The following DCLK2 variants were observed in gnomAD, a reference collection of about 807,000 sequenced individuals.
DCLK2 encodes doublecortin like kinase 2.
Under a neutral mutation model 78.4 loss-of-function variants are expected in DCLK2, and 31 were observed. That is an observed-to-expected ratio of 0.40 (90% confidence interval 0.30 to 0.53). The LOEUF (loss-of-function observed/expected upper bound fraction) is 0.53, where lower values mean the gene tolerates loss of function less well. Ranked by LOEUF, DCLK2 falls within the 20% of genes least tolerant of loss-of-function variation. DCLK2 has a pLI of 0.61. For synonymous variants in DCLK2, 407 were observed against 374.9 expected, an observed-to-expected ratio of 1.09 and a Z score of -0.99; for missense variants, 872 against 973.7, an observed-to-expected ratio of 0.90 and a Z score of 1.39.
chr4:150,222,690 A>G (rs1334768306), intron 7 of DCLK2, among the ~76,000 whole-genome samples: 1 of 151,664 alleles, frequency 6.6e-6, no homozygotes, highest in Non-Finnish European at 1.5e-5. Context: ...TACAAAAAAC[A>G]AGACAAACAA....
At chr4:150,209,972 G>A (rs934837835) in intron 5 of DCLK2, among the ~76,000 whole-genome samples, 3 of 152,208 alleles carry the variant, frequency 2.0e-5, no homozygotes, top group Non-Finnish European at 4.4e-5. Context: ...CTACTCGGGA[G>A]GCTGAAGCAG....
intron 2 of DCLK2, among the ~76,000 whole-genome samples, chr4:150,149,822 T>C (rs1396946350): frequency 2.0e-5 from 3 of 152,202 alleles, no homozygotes; most frequent in South Asian, 4.1e-4. Flanking sequence ...GTAAGGTTGA[T>C]TGGGGATGGA....
At chr4:150,220,814 A>G in intron 6 of DCLK2, 36 bp downstream of exon 6, 1 of 1,521,746 alleles carries the variant, frequency 6.6e-7, no homozygotes, top group South Asian at 1.1e-5. Flanking sequence ...TGATAAAGGA[A>G]ATCATGCATG....
At chr4:150,229,538 AGATG>A (rs1741883069) in intron 8 of DCLK2, among the ~76,000 whole-genome samples, 7 of 152,142 alleles carry the variant, frequency 4.6e-5, no homozygotes, top group Admixed American at 4.6e-4. Context: ...TTGTTGAATA[AGATG>A]GAGAACACAG....
chr4:150,115,337 A>G (rs572423434), intron 2 of DCLK2, among the ~76,000 whole-genome samples: 1 of 152,038 alleles, frequency 6.6e-6, no homozygotes, highest in South Asian at 2.1e-4. Context: ...TGTGTAGCTA[A>G]TAACCTTTTG....
Position 150,198,453 on chromosome 4 carries a change from C to CT in DCLK2, c.961+358dup, listed in dbSNP as rs947244846. Among the ~76,000 whole-genome samples, 11 of 146,060 alleles carry CT rather than the reference C, an allele frequency of 7.5e-5. 1 individual carries two copies. In the East Asian group the frequency reaches 9.8e-4, roughly 13 times the overall value. ...GATAATTATTTTCTTAACATTATCT[C>CT]TTTTTTTTAAAACACATGCACATGC... On this transcript the variant is annotated intron_variant, in intron 4 of 15. Coordinates refer to ENST00000296550, the MANE Select transcript of DCLK2 (RefSeq NM_001040260.4).
At chr4:150,140,461 A>G (rs1179600681) in intron 2 of DCLK2, among the ~76,000 whole-genome samples, 1 of 152,194 alleles carries the variant, frequency 6.6e-6, no homozygotes, top group Non-Finnish European at 1.5e-5. Context: ...TGAGGACCCC[A>G]ATGGTGACGC....
intron 2 of DCLK2, among the ~76,000 whole-genome samples, chr4:150,118,419 C>G (rs1580535573): frequency 6.6e-6 from 1 of 151,962 alleles, no homozygotes; most frequent in East Asian, 1.9e-4. Flanking sequence ...AAGGATGACC[C>G]TTAGAGTTAT....
chr4:150,224,655 T>A, intron 8 of DCLK2, 97 bp downstream of exon 8: 1 of 981,922 alleles, frequency 1.0e-6, no homozygotes, highest in Non-Finnish European at 1.5e-6. Flanking sequence ...TTGACACAAC[T>A]ATCACAGCAG....
At chr4:150,100,024 T>C (rs1026003059) in intron 1 of DCLK2, among the ~76,000 whole-genome samples, 5 of 152,160 alleles carry the variant, frequency 3.3e-5, no homozygotes, top group African/African-American at 7.2e-5. Context: ...GTGATCCTCC[T>C]GTCTCAGCCT....
At chr4:150,253,337 C>A in intron 15 of DCLK2, 2 of 861,662 alleles carry the variant, frequency 2.3e-6, no homozygotes, top group East Asian at 5.3e-5. Flanking sequence ...AGGACCTTCC[C>A]ATCTGCTGTC....
At chr4:150,230,211 CT>C (rs1186505072) in intron 8 of DCLK2, among the ~76,000 whole-genome samples, 1 of 152,212 alleles carries the variant, frequency 6.6e-6, no homozygotes, top group South Asian at 2.1e-4. Context: ...AAAGGTAACA[CT>C]GCTGATGGCC....
chr4:150,224,784 G>T (rs1741472628), intron 8 of DCLK2, among the ~76,000 whole-genome samples: 1 of 152,146 alleles, frequency 6.6e-6, no homozygotes, highest in South Asian at 2.1e-4. Context: ...AGAAAACGTA[G>T]ATTCTTTTCT....
intron 2 of DCLK2, among the ~76,000 whole-genome samples, chr4:150,190,384 T>C (rs1738365455): frequency 6.6e-6 from 1 of 152,106 alleles, no homozygotes; most frequent in South Asian, 2.1e-4. Flanking sequence ...GAATCAGCTC[T>C]GAAGCTAAAA....
At chr4:150,253,183 A>C (rs1434538071) in intron 15 of DCLK2, 35 of 489,192 alleles carry the variant, frequency 7.2e-5, no homozygotes, top group East Asian at 4.7e-4. Context: ...TTTTACATTA[A>C]AAATAACCTC....
In DCLK2 at chr4:150,187,443, T is replaced by G. The variant is rs138547396; in HGVS notation, c.757-5695T>G. The stretch of plus-strand genomic sequence containing the variant: ...CCTGGAACACTTTCCCTTACAGATA[T>G]TCATGTGACTTGCTTCCAGTATTTT... On this transcript the variant is annotated intron_variant, in intron 2 of 15. Transcript: ENST00000296550. 2.6e-3 allele frequency among the ~76,000 whole-genome samples: 399 copies of G among 152,320 alleles called. 4 individuals carry two copies. Among genetic ancestry groups the G allele is most frequent in the African/African-American group, 9.0e-3 (376 of 41,578 alleles).
At chr4:150,101,033 G>A (rs1243767374) in intron 1 of DCLK2, among the ~76,000 whole-genome samples, 4 of 152,040 alleles carry the variant, frequency 2.6e-5, no homozygotes, top group South Asian at 2.1e-4. Context: ...TGGGTGACTC[G>A]CTTGAACACA....
intron 5 of DCLK2, among the ~76,000 whole-genome samples, chr4:150,204,302 A>T (rs1739678055): frequency 1.3e-5 from 2 of 152,212 alleles, no homozygotes; most frequent in African/African-American, 4.8e-5. Context: ...CAAAAGCCTA[A>T]AATGAAGTGA....
intron 2 of DCLK2, among the ~76,000 whole-genome samples, chr4:150,182,253 C>T (rs1469950375): frequency 6.6e-6 from 1 of 151,994 alleles, no homozygotes; most frequent in East Asian, 1.9e-4. Context: ...CACTATGTTG[C>T]CCAGGCTGGT....
Sources: gnomAD v4.1 joint callset for allele counts (sites outside exome capture counted in the v4.1 genomes callset) on GRCh38, gnomAD v4.1.1 for gene constraint, MANE v1.5 for transcripts, NCBI Gene and HGNC (gene_info 2026-07-23, HGNC 2026-07-21) for gene names.